ASB3: variants seen among roughly 807,000 people sequenced by gnomAD.
ASB3 encodes ankyrin repeat and SOCS box containing 3.
Under a neutral mutation model 54.5 loss-of-function variants are expected in ASB3, and 41 were observed. The observed-to-expected ratio is 0.75, with a 90% CI of 0.59 to 0.98. The LOEUF (loss-of-function observed/expected upper bound fraction) is 0.98. Among genes scored for constraint, ASB3 ranks in the 50% least tolerant of loss-of-function variants. The pLI is 0.00. For missense variants in ASB3, 733 were observed against 620.0 expected, an observed-to-expected ratio of 1.18 and a Z score of -1.94; for synonymous variants, 266 against 221.2, an observed-to-expected ratio of 1.20 and a Z score of -1.80.
chr2:53,723,135 G>C (rs1670799079), intron 5 of ASB3, among the ~76,000 whole-genome samples: 1 of 152,028 alleles, frequency 6.6e-6, no homozygotes, highest in South Asian at 2.1e-4. Flanking sequence ...ATCTTACCAA[G>C]GAGGTGAAAG....
At chr2:53,774,368 A>T in intron 1 of ASB3, 1 of 1,613,562 alleles carries the variant, frequency 6.2e-7, no homozygotes, top group Non-Finnish European at 8.5e-7. Context: ...CAAATTTTTA[A>T]TGCAGCTGGT....
intron 5 of ASB3, among the ~76,000 whole-genome samples, chr2:53,717,670 G>A (rs1305270873): frequency 2.6e-5 from 4 of 152,140 alleles, no homozygotes; most frequent in Non-Finnish European, 4.4e-5. Context: ...TCACAGTCGT[G>A]TTCCCGCAAT....
intron 7 of ASB3, among the ~76,000 whole-genome samples, chr2:53,705,612 C>A (rs183882028): frequency 6.6e-6 from 1 of 152,244 alleles, no homozygotes; most frequent in Non-Finnish European, 1.5e-5. Context: ...AAATTTATAT[C>A]TTTATCCAAT....
chr2:53,704,178 T>C (rs1669642064), intron 7 of ASB3, among the ~76,000 whole-genome samples: 4 of 151,812 alleles, frequency 2.6e-5, no homozygotes, highest in Admixed American at 2.6e-4. Flanking sequence ...CTGACCAACA[T>C]GGGAAAACCC....
Position 53,751,313 on chromosome 2 carries a change from T to C in ASB3, c.197-372A>G, listed in dbSNP as rs1323992202. Among the ~76,000 whole-genome samples, 5 of 152,328 alleles carry C rather than the reference T, an allele frequency of 3.3e-5. No individual in the cohort carries two copies. The East Asian group carries it at 9.6e-4, about 29-fold the overall frequency. On this transcript the variant is annotated intron_variant, in intron 2 of 9. Transcript: ENST00000263634. ...GAAATATTCATCAATTTTATTTTTT[T>C]ATTTTTAAATTTCTATAAGGGAAAT...
intron 1 of ASB3, among the ~76,000 whole-genome samples, chr2:53,766,890 T>G (rs1264908296): frequency 1.3e-5 from 2 of 152,134 alleles, no homozygotes; most frequent in East Asian, 3.9e-4. Flanking sequence ...TTCAAGATCA[T>G]GGTATAAAAA....
intron 5 of ASB3, among the ~76,000 whole-genome samples, chr2:53,720,934 C>A (rs1425673841): frequency 6.6e-6 from 1 of 151,798 alleles, no homozygotes; most frequent in Admixed American, 6.6e-5. Flanking sequence ...TTGGCCAACA[C>A]GATGAAACCC....
chr2:53,773,075 G>C (rs1029128781), intron 1 of ASB3, among the ~76,000 whole-genome samples: 2 of 152,064 alleles, frequency 1.3e-5, no homozygotes, highest in Non-Finnish European at 2.9e-5. Context: ...GTTAGTAATG[G>C]CAGATAAATA....
At position 53,728,803 on chromosome 2, in the gene ASB3, G is replaced by C; in HGVS notation, c.513C>G (p.Asn171Lys). The C allele has an allele frequency of 1.2e-6, 2 of 1,611,896 alleles. No homozygotes were observed. The highest frequency in any genetic ancestry group is 2.7e-5 in the African/African-American group (2 of 74,952). ...IIKLLLRKGA[N>K]KECQDDFGIT... is the part of the protein sequence containing the mutation. ...TTCCAAAGTCATCCTGGCATTCCTTGTTTGCTCCTTTTCTAAGAAGCAATT... is the reference window on the plus strand; with the variant it reads ...TTCCAAAGTCATCCTGGCATTCCTTCTTTGCTCCTTTTCTAAGAAGCAATT... Residue 171 changes from asparagine (N) to lysine (K), a missense_variant, in exon 5 of 10, where the codon AAC (asparagine) becomes AAG (lysine). Coordinates refer to ENST00000263634, the MANE Select transcript of ASB3 (RefSeq NM_016115.5).
intron 3 of ASB3, among the ~76,000 whole-genome samples, chr2:53,735,087 T>C (rs1671546271): frequency 6.6e-6 from 1 of 151,992 alleles, no homozygotes; most frequent in Non-Finnish European, 1.5e-5. Flanking sequence ...GCCCAGATAA[T>C]TTTTGTACTT....
At chr2:53,769,461 G>A (rs893972278) in intron 1 of ASB3, among the ~76,000 whole-genome samples, 31 of 152,220 alleles carry the variant, frequency 2.0e-4, no homozygotes, top group African/African-American at 6.8e-4. Context: ...TGTACAGTGT[G>A]TTACAAAACA....
At chr2:53,713,514 G>T (rs1382974185) in intron 7 of ASB3, among the ~76,000 whole-genome samples, 1 of 152,156 alleles carries the variant, frequency 6.6e-6, no homozygotes, top group Non-Finnish European at 1.5e-5. Flanking sequence ...ACACTAACAA[G>T]GCAGCAGTAA....
chr2:53,695,034 T>C (rs972634282), intron 8 of ASB3, among the ~76,000 whole-genome samples: 4 of 151,952 alleles, frequency 2.6e-5, no homozygotes, highest in Non-Finnish European at 4.4e-5. Context: ...ATCACAATGG[T>C]TGGAGAAAAA....
intron 7 of ASB3, among the ~76,000 whole-genome samples, chr2:53,708,082 T>C (rs1421240529): frequency 1.3e-5 from 2 of 152,216 alleles, no homozygotes; most frequent in South Asian, 2.1e-4. Context: ...CCAAATCTCA[T>C]GATGAATTGT....
At chr2:53,780,445 A>T (rs1238678832) in intron 1 of ASB3, among the ~76,000 whole-genome samples, 1 of 152,158 alleles carries the variant, frequency 6.6e-6, no homozygotes, top group Non-Finnish European at 1.5e-5. Flanking sequence ...ACACACAAGC[A>T]AACAAATCTA....
At chr2:53,757,368 C>T (rs1460707410) in intron 2 of ASB3, among the ~76,000 whole-genome samples, 3 of 152,200 alleles carry the variant, frequency 2.0e-5, no homozygotes, top group Non-Finnish European at 2.9e-5. Flanking sequence ...GGCCGAGGGC[C>T]GACTAGAGGC....
At chr2:53,769,249 G>A (rs1027432990) in intron 1 of ASB3, among the ~76,000 whole-genome samples, 1 of 152,188 alleles carries the variant, frequency 6.6e-6, no homozygotes, top group African/African-American at 2.4e-5. Flanking sequence ...GGTAGCTCAC[G>A]CCTCTGATCC....
chr2:53,742,152 A>G (rs1671965778), intron 3 of ASB3, among the ~76,000 whole-genome samples: 1 of 152,202 alleles, frequency 6.6e-6, no homozygotes. Flanking sequence ...CTCTGCTACC[A>G]CAAATGGGAA....
intron 1 of ASB3, chr2:53,767,873 G>A (rs1573001377): frequency 8.1e-6 from 13 of 1,599,820 alleles, no homozygotes; most frequent in East Asian, 2.3e-5. Flanking sequence ...CTGGGGCAGA[G>A]GAGCCGCGAG....
Sources: gnomAD v4.1 joint callset for allele counts (sites outside exome capture counted in the v4.1 genomes callset) on GRCh38, gnomAD v4.1.1 for gene constraint, MANE v1.5 for transcripts, NCBI Gene and HGNC (gene_info 2026-07-23, HGNC 2026-07-21) for gene names.